DRC8: variants seen among roughly 807,000 people sequenced by gnomAD.
The protein encoded by DRC8 is dynein regulatory complex protein 8.
chr1:244,970,220 G>A, the DRC8 span: 2 of 762,040 alleles, frequency 2.6e-6, no homozygotes, highest in Non-Finnish European at 4.6e-6. Context: ...CCCCCAGCGC[G>A]AGGGTCGTGG....
At chr1:245,059,536 CG>C in the DRC8 span, 25 of 1,323,780 alleles carry the variant, frequency 1.9e-5, no homozygotes, top group Non-Finnish European at 2.6e-5. Flanking sequence ...CAATCCTTAC[CG>C]GAAACTAAAA....
At chr1:245,036,417 T>C in the DRC8 span, among the ~76,000 whole-genome samples, 3 of 152,236 alleles carry the variant, frequency 2.0e-5, no homozygotes, top group Admixed American at 6.5e-5. Flanking sequence ...GCAGCCACTT[T>C]AGAAAACAGT....
the DRC8 span, among the ~76,000 whole-genome samples, chr1:245,070,210 A>G: frequency 2.0e-5 from 3 of 152,262 alleles, no homozygotes; most frequent in Admixed American, 2.0e-4. Flanking sequence ...TACTAATATC[A>G]TTAATATTTT....
At chr1:244,984,850 CA>C in the DRC8 span, among the ~76,000 whole-genome samples, 13,698 of 138,922 alleles carry the variant, frequency 0.099, 802 homozygotes, top group East Asian at 0.25. Context: ...ACCCCCCCTT[CA>C]AAAAAAAAAA....
chr1:245,082,935 C>T, the DRC8 span, among the ~76,000 whole-genome samples: 1 of 152,144 alleles, frequency 6.6e-6, no homozygotes, highest in Non-Finnish European at 1.5e-5. Context: ...TCTCGAACTC[C>T]TGACCTCAGA....
chr1:245,002,187 G>A, the DRC8 span: 3 of 1,610,548 alleles, frequency 1.9e-6, no homozygotes, highest in South Asian at 3.3e-5. Flanking sequence ...AATGGAAGGT[G>A]GAAGAAGAGA....
chr1:245,009,028 C>CTTT, the DRC8 span, among the ~76,000 whole-genome samples: 1,535 of 64,416 alleles, frequency 0.024, 150 homozygotes, highest in African/African-American at 0.057. Context: ...TTATGCTTTT[C>CTTT]TTTTTTTTTT....
chr1:245,091,220 A>G, the DRC8 span: 13,330 of 152,428 alleles, frequency 0.087, 714 homozygotes, highest in East Asian at 0.19. Flanking sequence ...ATAGGAACAC[A>G]TTGCAGCGGG....
At chr1:245,111,581 TTGTC>T in the DRC8 span, among the ~76,000 whole-genome samples, 6 of 152,356 alleles carry the variant, frequency 3.9e-5, no homozygotes, top group Admixed American at 2.6e-4. Context: ...CCTCCTTTCT[TTGTC>T]TGTCTTCTCT....
the DRC8 span, among the ~76,000 whole-genome samples, chr1:245,107,993 C>G: frequency 6.6e-6 from 1 of 152,182 alleles, no homozygotes; most frequent in African/African-American, 2.4e-5. Flanking sequence ...CCTTCCTCCA[C>G]CAGAGATTCC....
chr1:245,047,879 G>A, the DRC8 span, among the ~76,000 whole-genome samples: 1 of 151,188 alleles, frequency 6.6e-6, no homozygotes, highest in Non-Finnish European at 1.5e-5. Flanking sequence ...AGAGGCTGCG[G>A]CAGGGGAATC....
At chr1:245,014,620 T>C in the DRC8 span, among the ~76,000 whole-genome samples, 1 of 150,908 alleles carries the variant, frequency 6.6e-6, no homozygotes, top group East Asian at 1.9e-4. Flanking sequence ...TAAGATTTTA[T>C]ACTGTAAGTA....
the DRC8 span, among the ~76,000 whole-genome samples, chr1:245,027,575 T>C: frequency 1.3e-5 from 2 of 152,194 alleles, no homozygotes; most frequent in Admixed American, 6.5e-5. Flanking sequence ...CCTTGTGTGT[T>C]TTTTTAAACT....
At chr1:245,019,530 C>T in the DRC8 span, among the ~76,000 whole-genome samples, 4 of 152,188 alleles carry the variant, frequency 2.6e-5, no homozygotes, top group South Asian at 4.1e-4. Flanking sequence ...AGGACTACCA[C>T]GCCCAGCTAA....
the DRC8 span, among the ~76,000 whole-genome samples, chr1:245,027,664 T>C: frequency 6.6e-6 from 1 of 152,210 alleles, no homozygotes; most frequent in Non-Finnish European, 1.5e-5. Context: ...AAATTCTGTC[T>C]ACGTTTTCTC....
the DRC8 span, among the ~76,000 whole-genome samples, chr1:245,039,558 T>C: frequency 6.6e-6 from 1 of 151,724 alleles, no homozygotes; most frequent in East Asian, 1.9e-4. Flanking sequence ...ACCAATAAAT[T>C]AACGTTGGTT....
the DRC8 span, among the ~76,000 whole-genome samples, chr1:245,119,032 A>G: frequency 6.6e-6 from 1 of 152,080 alleles, no homozygotes; most frequent in Admixed American, 6.6e-5. Context: ...GTGGTATGAG[A>G]TGCTGGCGGA....
the DRC8 span, among the ~76,000 whole-genome samples, chr1:245,076,013 GAGA>G: frequency 6.6e-6 from 1 of 152,210 alleles, no homozygotes; most frequent in East Asian, 1.9e-4. Context: ...AGCGGGGAGG[GAGA>G]AGGTGTTGAA....
At chr1:245,099,068 C>G in the DRC8 span, among the ~76,000 whole-genome samples, 3 of 152,096 alleles carry the variant, frequency 2.0e-5, no homozygotes, top group Non-Finnish European at 4.4e-5. Flanking sequence ...ACTCCAGTCC[C>G]TTACTGGCCA....
Sources: allele counts gnomAD v4.1 joint callset (sites outside exome capture counted in the v4.1 genomes callset), GRCh38; gene constraint gnomAD v4.1.1; transcripts MANE v1.5; gene names NCBI Gene and HGNC (gene_info 2026-07-23, HGNC 2026-07-21).